The following THSD7B variants were observed in gnomAD, a reference collection of about 807,000 sequenced individuals.
The protein encoded by THSD7B is thrombospondin type 1 domain containing 7B.
In THSD7B, 138 loss-of-function variants were observed where a neutral mutation model predicts 213.6. That is an observed-to-expected ratio of 0.65 (90% CI 0.56 to 0.74). The LOEUF (loss-of-function observed/expected upper bound fraction) is 0.74. Among genes scored for constraint, THSD7B ranks in the 30% least tolerant of loss-of-function variants. The pLI, the probability that THSD7B is intolerant of heterozygous loss-of-function variation, is 0.00. For synonymous variants in THSD7B, 742 were observed against 687.0 expected, an observed-to-expected ratio of 1.08 and a Z score of -1.25; for missense variants, 1,931 against 1,991.5, an observed-to-expected ratio of 0.97 and a Z score of 0.58.
intron 2 of THSD7B, among the ~76,000 whole-genome samples, chr2:136,903,970 GTGTT>G (rs70975725): frequency 0.28 from 10,484 of 38,038 alleles, 581 homozygotes; most frequent in Admixed American, 0.32. Context: ...GTGTGTGTGT[GTGTT>G]TGTTTGTTTC....
At chr2:136,781,516 C>T (rs1300734835) in intron 1 of THSD7B, among the ~76,000 whole-genome samples, 1 of 151,874 alleles carries the variant, frequency 6.6e-6, no homozygotes, top group Admixed American at 6.6e-5. Context: ...AGATGATCTG[C>T]CCTTCTCGGC....
rs770833857 is a variant in THSD7B at position 137,057,264 on chromosome 2, C to T, written c.950+34C>T. On this transcript the variant is annotated intron_variant, in intron 3 of 27. Coordinates refer to ENST00000409968, the MANE Select transcript of THSD7B (RefSeq NM_001316349.2). ...CCTTTGATGCTTGAATTTGATTCAC[C>T]TAAAATATTTTATAGTGCAACTTTA... The T allele has an allele frequency of 7.3e-6, 11 of 1,512,522 alleles. No individual in the cohort carries two copies. In the East Asian group the frequency reaches 2.5e-4, roughly 35 times the overall value. 93.7% of individuals were successfully genotyped at this position (1,512,522 alleles called of 1,614,324 possible).
intron 5 of THSD7B, among the ~76,000 whole-genome samples, chr2:137,125,236 G>A (rs1032667887): frequency 6.6e-6 from 1 of 152,126 alleles, no homozygotes; most frequent in Admixed American, 6.6e-5. Flanking sequence ...TAGCATGAGA[G>A]GTTGTTTGAT....
At chr2:137,110,112 T>G (rs1456210864) in intron 4 of THSD7B, among the ~76,000 whole-genome samples, 1 of 152,142 alleles carries the variant, frequency 6.6e-6, no homozygotes, top group Non-Finnish European at 1.5e-5. Flanking sequence ...CTGAAATATC[T>G]CTCCTCGTCC....
chr2:137,340,978 TTTG>T (rs1684748046), intron 12 of THSD7B, among the ~76,000 whole-genome samples: 1 of 106,166 alleles, frequency 9.4e-6, no homozygotes. Context: ...TAATTCTCTT[TTTG>T]TTTTTTTTTT....
rs373263701 is a variant in THSD7B at position 137,275,969 on chromosome 2, G to T, written c.2443G>T (p.Val815Phe). The T allele has an allele frequency of 5.0e-6, 8 of 1,612,360 alleles. No individual in the cohort carries two copies. Among genetic ancestry groups the T allele is most frequent in the Admixed American group, 1.7e-5 (1 of 59,768 alleles). Residue 815 changes from valine to phenylalanine, a missense_variant, in exon 12 of 28, where the codon GTC (valine) becomes TTC (phenylalanine). By Grantham distance (50) the Val-to-Phe change is conservative. Coordinates refer to ENST00000409968, the MANE Select transcript of THSD7B (RefSeq NM_001316349.2). ...WSPCILVPESVWQGITGSSEA... is the reference protein window; with the variant it reads ...WSPCILVPESFWQGITGSSEA... ...CCCTTGCATCTTAGTGCCAGAGTCT[G>T]TCTGGCAGGGAATAACGGGCAGCAG...
In THSD7B at chr2:137,271,395, T is replaced by TATA. The variant is rs566704564; in HGVS notation, c.2267-1138_2267-1137insATA. On this transcript the variant is annotated intron_variant, in intron 10 of 27. Coordinates refer to ENST00000409968, the MANE Select transcript of THSD7B (RefSeq NM_001316349.2). ...CATTCATATATATATATATTATGAA[T>TATA]TATATATATATGAATTATAATATAT... Among the ~76,000 whole-genome samples the TATA allele has an allele frequency of 2.9e-5, 4 of 137,976 alleles. No individual in the cohort carries two copies. The East Asian group carries it at 7.0e-4, about 24-fold the overall frequency. 90.5% of individuals were successfully genotyped at this position (137,976 alleles called of 152,430 possible).
intron 15 of THSD7B, among the ~76,000 whole-genome samples, chr2:137,519,008 G>A (rs1463710356): frequency 6.6e-6 from 1 of 152,194 alleles, no homozygotes; most frequent in Non-Finnish European, 1.5e-5. Context: ...AGCACTTTGG[G>A]AGGCCAAGGC....
chr2:136,905,771 A>C (rs1684149926), intron 2 of THSD7B, among the ~76,000 whole-genome samples: 1 of 152,232 alleles, frequency 6.6e-6, no homozygotes, highest in African/African-American at 2.4e-5. Flanking sequence ...ATCATTATGG[A>C]TAATGTAAAA....
intron 12 of THSD7B, among the ~76,000 whole-genome samples, chr2:137,348,096 A>G (rs1473073390): frequency 6.6e-6 from 1 of 151,686 alleles, no homozygotes; most frequent in Non-Finnish European, 1.5e-5. Context: ...TTCTATATAG[A>G]GGCATTTGAA....
intron 2 of THSD7B, among the ~76,000 whole-genome samples, chr2:136,912,183 G>A (rs486602): frequency 0.42 from 63,013 of 151,594 alleles, 15,067 homozygotes; most frequent in Non-Finnish European, 0.55. Context: ...TTAGCCGGGT[G>A]TGCTGGTGGG....
intron 3 of THSD7B, among the ~76,000 whole-genome samples, chr2:137,091,577 A>G (rs1001251142): frequency 1.3e-5 from 2 of 151,792 alleles, no homozygotes; most frequent in African/African-American, 2.4e-5. Context: ...TCCAAGATCA[A>G]GGTGGGGGCA....
At chr2:136,899,893 A>C (rs939727229) in intron 2 of THSD7B, among the ~76,000 whole-genome samples, 1 of 152,206 alleles carries the variant, frequency 6.6e-6, no homozygotes, top group African/African-American at 2.4e-5. Context: ...TCAATAGTGC[A>C]GCCTGCTGCT....
At chr2:137,558,783 T>G (rs914617014) in intron 15 of THSD7B, among the ~76,000 whole-genome samples, 2 of 152,206 alleles carry the variant, frequency 1.3e-5, no homozygotes, top group African/African-American at 4.8e-5. Context: ...TGTCCCTGTT[T>G]GCAGATGACA....
At chr2:137,530,020 T>C (rs1469059950) in intron 15 of THSD7B, among the ~76,000 whole-genome samples, 1 of 152,044 alleles carries the variant, frequency 6.6e-6, no homozygotes, top group East Asian at 1.9e-4. Context: ...AAACAGTTAT[T>C]GTTAATACCA....
intron 12 of THSD7B, among the ~76,000 whole-genome samples, chr2:137,367,799 G>A (rs964301643): frequency 2.6e-5 from 4 of 152,112 alleles, no homozygotes; most frequent in Non-Finnish European, 5.9e-5. Context: ...TGTGCGTTCA[G>A]AAAGAGTGAG....
At chr2:137,139,778 G>T (rs1011251108) in intron 5 of THSD7B, among the ~76,000 whole-genome samples, 1 of 152,104 alleles carries the variant, frequency 6.6e-6, no homozygotes, top group Admixed American at 6.6e-5. Context: ...TACTCTTGCT[G>T]AGATTCTGCT....
chr2:137,517,223 T>G (rs1680087362), intron 15 of THSD7B, among the ~76,000 whole-genome samples: 1 of 152,252 alleles, frequency 6.6e-6, no homozygotes, highest in Non-Finnish European at 1.5e-5. Flanking sequence ...CTCTCCAGCT[T>G]TGTGTCATGA....
At position 137,325,007 on chromosome 2, in the gene THSD7B, C is replaced by T. The variant is rs912422689; in HGVS notation, c.2500+48981C>T. Among the ~76,000 whole-genome samples the T allele has an allele frequency of 5.3e-5, 8 of 152,288 alleles. No homozygotes were observed. The East Asian group carries it at 1.4e-3, about 26-fold the overall frequency. The stretch of plus-strand genomic sequence containing the variant: ...GTTGTTCAGTTTCCATGATATGATA[C>T]GACAGATTTCCTTGTGGTTTTGCCA... On this transcript the variant is annotated intron_variant, in intron 12 of 27. Coordinates refer to ENST00000409968, the MANE Select transcript of THSD7B (RefSeq NM_001316349.2).
Sources: gnomAD v4.1 joint callset for allele counts (sites outside exome capture counted in the v4.1 genomes callset) on GRCh38, gnomAD v4.1.1 for gene constraint, MANE v1.5 for transcripts, NCBI Gene and HGNC (gene_info 2026-07-23, HGNC 2026-07-21) for gene names.